The following GNG2 variants were observed in gnomAD, a reference collection of about 807,000 sequenced individuals.
GNG2 encodes the protein guanine nucleotide-binding protein G(I)/G(S)/G(O) subunit gamma-2.
GNG2 carries 5 observed loss-of-function variants against 5.5 expected under a neutral mutation model. That is an observed-to-expected ratio of 0.91 (90% confidence interval 0.48 to 1.92). The LOEUF is 1.92. Among genes scored for constraint, GNG2 ranks in the 30% most tolerant of loss-of-function variants. The pLI is 0.01. For missense variants in GNG2, 55 were observed against 88.4 expected (o/e 0.62, Z 1.52); for synonymous variants, 28 against 32.0 (o/e 0.88, Z 0.42).
rs556332191 is a variant in GNG2 at position 51,887,224 on chromosome 14, CA to C, written c.-30+9572del. Reference sequence around the variant, plus strand: ...CTCAACTTACGGTTCAAGTTTGCTACAAAAACTAGCTGGACCCCTCAGAGCA... The same window carrying C: ...CTCAACTTACGGTTCAAGTTTGCTACAAAACTAGCTGGACCCCTCAGAGCA... On this transcript the variant is annotated intron_variant, in intron 2 of 3. Transcript: ENST00000556766. Among the ~76,000 whole-genome samples the C allele has an allele frequency of 1.3e-3, 204 of 152,264 alleles. 1 individual carries two copies. The highest frequency in any genetic ancestry group is 4.8e-3 in the African/African-American group (199 of 41,552).
At chr14:51,888,278 A>G (rs1005803067) in intron 2 of GNG2, among the ~76,000 whole-genome samples, 1 of 152,042 alleles carries the variant, frequency 6.6e-6, no homozygotes, top group African/African-American at 2.4e-5. Context: ...CTGCTTACCT[A>G]TAGTAGCAAT....
intron 1 of GNG2, among the ~76,000 whole-genome samples, chr14:51,873,539 A>G (rs1173796894): frequency 6.6e-6 from 1 of 152,248 alleles, no homozygotes; most frequent in Non-Finnish European, 1.5e-5. Flanking sequence ...TGCCTTTGTT[A>G]TTGAATATAG....
At position 51,967,292 on chromosome 14, in the gene GNG2, G is replaced by T. The variant is rs748938874; in HGVS notation, c.*605G>T. 6.6e-6 allele frequency: 1 copy of T among 152,198 alleles called. No homozygotes were observed. The highest frequency in any genetic ancestry group is 1.5e-5 in the Non-Finnish European group (1 of 68,128). The allele number at this position is 152,198 out of a possible 1,614,324, so 9.4% of individuals were successfully genotyped here. ...CAAAATGTTTAGGGAGATGTTCCCC[G>T]TGGTGTATCCTCATGGTAACAACGA... On this transcript the variant is annotated 3_prime_UTR_variant, in exon 4 of 4. Coordinates refer to ENST00000556766, the MANE Select transcript of GNG2 (RefSeq NM_053064.5).
At chr14:51,839,952 A>C (rs1175322580) in intron 2 of GNG2, among the ~76,000 whole-genome samples, 2 of 152,058 alleles carry the variant, frequency 1.3e-5, no homozygotes, top group African/African-American at 2.4e-5. Flanking sequence ...AACTTCAGCG[A>C]GTTGTAGGAT....
At chr14:51,916,648 T>C in intron 2 of GNG2, 2 of 383,166 alleles carry the variant, frequency 5.2e-6, no homozygotes, top group Non-Finnish European at 1.0e-5. Flanking sequence ...CTGGGAGGCC[T>C]ACCTGCCTGC....
intron 2 of GNG2, among the ~76,000 whole-genome samples, chr14:51,836,856 C>CTTTTTTTTT (rs369095215): frequency 7.7e-6 from 1 of 130,676 alleles, no homozygotes. Flanking sequence ...GTGACTTCAT[C>CTTTTTTTTT]TTTTTTTTTT....
chr14:51,894,770 C>T (rs1013256144), intron 2 of GNG2, among the ~76,000 whole-genome samples: 1 of 151,818 alleles, frequency 6.6e-6, no homozygotes, highest in Admixed American at 6.6e-5. Context: ...AGAATTTTAT[C>T]GTTAGTTTAA....
At chr14:51,943,098 G>C (rs8019194) in intron 2 of GNG2, among the ~76,000 whole-genome samples, 47,477 of 151,984 alleles carry the variant, frequency 0.31, 8,324 homozygotes, top group Middle Eastern at 0.39. Flanking sequence ...CATGCCTCTG[G>C]GGTGGTCCTC....
chr14:51,955,744 T>C (rs1300761541), intron 3 of GNG2, among the ~76,000 whole-genome samples: 2 of 152,270 alleles, frequency 1.3e-5, no homozygotes, highest in Non-Finnish European at 2.9e-5. Context: ...AGATAAATTG[T>C]TTCATATCAT....
At chr14:51,889,903 C>T (rs1007906222) in intron 2 of GNG2, among the ~76,000 whole-genome samples, 2 of 152,158 alleles carry the variant, frequency 1.3e-5, no homozygotes, top group Non-Finnish European at 2.9e-5. Context: ...ATCACTCTTT[C>T]CTCTAGCCTT....
intron 2 of GNG2, among the ~76,000 whole-genome samples, chr14:51,908,747 T>TTTTTTTTTC (rs1370023231): frequency 2.8e-5 from 4 of 143,144 alleles, no homozygotes; most frequent in African/African-American, 1.0e-4. Context: ...TTTTTTTTTT[T>TTTTTTTTTC]TTTTTTTTTT....
In GNG2 at chr14:51,969,306, C is replaced by T. The variant is rs1890094882; in HGVS notation, c.*2619C>T. 6.6e-6 allele frequency: 1 copy of T among 152,024 alleles called. No homozygotes were observed. Among genetic ancestry groups the T allele is most frequent in the African/African-American group, 2.4e-5 (1 of 41,388 alleles). The allele number at this position is 152,024 out of a possible 1,614,324, so 9.4% of individuals were successfully genotyped here. On this transcript the variant is annotated 3_prime_UTR_variant, in exon 4 of 4. Transcript: ENST00000556766. ...CTATAAAGAATAATTTTACATGATC[C>T]TCAATATCAACTCCAGTTTAAAAAG...
At chr14:51,926,910 C>T (rs553463936) in intron 2 of GNG2, among the ~76,000 whole-genome samples, 1 of 152,280 alleles carries the variant, frequency 6.6e-6, no homozygotes, top group South Asian at 2.1e-4. Context: ...TGTCTTTCCT[C>T]GCCATTAGCA....
At chr14:51,906,372 G>C (rs1409921593) in intron 2 of GNG2, among the ~76,000 whole-genome samples, 1 of 152,052 alleles carries the variant, frequency 6.6e-6, no homozygotes, top group Admixed American at 6.5e-5. Context: ...TTAGTATTCT[G>C]TAAATGTAAA....
intron 2 of GNG2, among the ~76,000 whole-genome samples, chr14:51,946,163 CA>C (rs1230385307): frequency 6.6e-6 from 1 of 151,992 alleles, no homozygotes; most frequent in Non-Finnish European, 1.5e-5. Context: ...ACAACATGAG[CA>C]AAAAGTCTAC....
chr14:51,895,554 T>C (rs768642158), intron 2 of GNG2, among the ~76,000 whole-genome samples: 5 of 152,216 alleles, frequency 3.3e-5, no homozygotes, highest in South Asian at 2.1e-4. Flanking sequence ...ATATTCCAAG[T>C]ACTGATTTCA....
chr14:51,836,964 T>C (rs1312718861), intron 2 of GNG2, among the ~76,000 whole-genome samples: 1 of 151,724 alleles, frequency 6.6e-6, no homozygotes, highest in East Asian at 1.9e-4. Flanking sequence ...TTCAAGCGAT[T>C]CTCCTGCCTC....
At chr14:51,889,027 A>T (rs1884650901) in intron 2 of GNG2, among the ~76,000 whole-genome samples, 1 of 151,874 alleles carries the variant, frequency 6.6e-6, no homozygotes, top group Non-Finnish European at 1.5e-5. Flanking sequence ...ATCCATAGAG[A>T]CAGGAGGTAG....
chr14:51,928,929 C>A lies in GNG2; in HGVS notation c.-29-21721C>A, dbSNP rs74944795. Among the ~76,000 whole-genome samples the A allele has an allele frequency of 6.8e-3, 1,029 of 152,208 alleles. 17 individuals are homozygous for A. Among genetic ancestry groups the A allele is most frequent in the African/African-American group, 0.024 (978 of 41,520 alleles). On this transcript the variant is annotated intron_variant, in intron 2 of 3. Coordinates refer to ENST00000556766, the MANE Select transcript of GNG2 (RefSeq NM_053064.5). The stretch of plus-strand genomic sequence containing the variant: ...TCACAAGAACTAGTGAGAACTAAGC[C>A]GTAGTCTATAATAAATGATGTGCTT...
Sources: allele counts gnomAD v4.1 joint callset (sites outside exome capture counted in the v4.1 genomes callset), GRCh38; gene constraint gnomAD v4.1.1; transcripts MANE v1.5; gene names NCBI Gene and HGNC (gene_info 2026-07-23, HGNC 2026-07-21).